The following AOPEP variants were observed in gnomAD, a reference collection of about 807,000 sequenced individuals.
AOPEP encodes the protein aminopeptidase O (putative).
In AOPEP, 77 loss-of-function variants were observed where a neutral mutation model predicts 98.1. The observed-to-expected ratio is 0.78, with a 90% CI of 0.65 to 0.95. AOPEP has a LOEUF of 0.95. Ranked by LOEUF, AOPEP falls within the 40% of genes least tolerant of loss-of-function variation. The pLI is 0.00. For synonymous variants in AOPEP, 346 were observed against 365.3 expected (o/e 0.95, Z 0.60); for missense variants, 1,024 against 1,024.7 (o/e 1.00, Z 0.01).
chr9:94,741,737 C>T lies in AOPEP; in HGVS notation c.-136+14986C>T, dbSNP rs568198275. ...AAAACAACTCCAAAATCTTTGCGGC[C>T]CCCCAAAAAAGAAGGTACGTTTCTT... On this transcript the variant is annotated intron_variant, in intron 1 of 16. Transcript: ENST00000375315. Among the ~76,000 whole-genome samples, 49 of 152,156 alleles carry T rather than the reference C, an allele frequency of 3.2e-4. 1 individual carries two copies. The South Asian group carries it at 1.0e-2, about 31-fold the overall frequency.
chr9:95,112,657 G>A, the AOPEP span, among the ~76,000 whole-genome samples: 1 of 152,202 alleles, frequency 6.6e-6, no homozygotes, highest in African/African-American at 2.4e-5. Context: ...GTAGACAGAT[G>A]CACAGAGCAG....
chr9:95,116,140 C>T, the AOPEP span, among the ~76,000 whole-genome samples: 1 of 152,242 alleles, frequency 6.6e-6, no homozygotes, highest in African/African-American at 2.4e-5. Flanking sequence ...ACCACCTCAC[C>T]GTTTATTTAC....
chr9:95,090,701 C>T (rs1204318212), downstream of AOPEP, among the ~76,000 whole-genome samples: 6 of 152,200 alleles, frequency 3.9e-5, no homozygotes, highest in Non-Finnish European at 7.4e-5. Flanking sequence ...CTCTGGACCA[C>T]AGCCAGGGGT....
chr9:94,859,900 C>T (rs778610932), intron 5 of AOPEP, among the ~76,000 whole-genome samples: 2 of 152,192 alleles, frequency 1.3e-5, no homozygotes, highest in African/African-American at 4.8e-5. Context: ...TTATTTAGGG[C>T]GTCCTATGTA....
chr9:94,747,808 AT>A (rs1461593512), intron 1 of AOPEP, among the ~76,000 whole-genome samples: 5 of 152,244 alleles, frequency 3.3e-5, no homozygotes, highest in African/African-American at 1.2e-4. Context: ...CTGCCCCAAC[AT>A]TTGAGGAAAA....
chr9:94,759,676 C>CATA lies in AOPEP; in HGVS notation c.-106_-105insAAT. 2.4e-6 allele frequency: 2 copies of CATA among 849,864 alleles called. No homozygotes were observed. Among genetic ancestry groups the CATA allele is most frequent in the Admixed American group, 2.9e-5 (1 of 34,370 alleles). The allele number at this position is 849,864 out of a possible 1,614,324, so 52.6% of individuals were successfully genotyped here. On this transcript the variant is annotated 5_prime_UTR_variant, in exon 2 of 17. Coordinates refer to ENST00000375315, the MANE Select transcript of AOPEP (RefSeq NM_001193329.3). ...GACTGAAAGGAACCATAATTTGTGA[C>CATA]ATCAGTTGTTTTCTTTGATAAGCAG...
downstream of AOPEP, among the ~76,000 whole-genome samples, chr9:95,090,482 C>G (rs994245525): frequency 2.6e-5 from 4 of 152,206 alleles, no homozygotes; most frequent in Admixed American, 2.6e-4. Context: ...GGCCCGGGCC[C>G]AGGGCCTGCT....
chr9:94,735,925 C>CT (rs1371281128), intron 1 of AOPEP, among the ~76,000 whole-genome samples: 5 of 152,140 alleles, frequency 3.3e-5, no homozygotes, highest in Non-Finnish European at 7.3e-5. Flanking sequence ...ATATGTGGCC[C>CT]TTCGTATCTT....
At position 94,954,287 on chromosome 9, in the gene AOPEP, G is replaced by A. The variant is rs574182597; in HGVS notation, c.1662-890G>A. Reference sequence around the variant, plus strand: ...TGCAGTGAGCCAAGATCGCACCACTGCGCTCCAGCCTGGGTGATGGGAGTG... The same window carrying A: ...TGCAGTGAGCCAAGATCGCACCACTACGCTCCAGCCTGGGTGATGGGAGTG... On this transcript the variant is annotated intron_variant, in intron 7 of 16. Transcript: ENST00000375315. Among the ~76,000 whole-genome samples, 27 of 152,316 alleles carry A rather than the reference G, an allele frequency of 1.8e-4. No homozygotes were observed. In the South Asian group the frequency reaches 5.4e-3, roughly 30 times the overall value.
intron 14 of AOPEP, among the ~76,000 whole-genome samples, chr9:95,073,620 G>T (rs71498689): frequency 6.6e-6 from 1 of 152,174 alleles, no homozygotes; most frequent in African/African-American, 2.4e-5. Context: ...ACTTTGGGAG[G>T]CTGAGGTGGG....
intron 13 of AOPEP, among the ~76,000 whole-genome samples, chr9:95,034,830 G>A (rs976603489): frequency 4.6e-5 from 7 of 152,218 alleles, no homozygotes; most frequent in African/African-American, 1.4e-4. Context: ...TGAGAAGCGG[G>A]CCTTGCTGGG....
chr9:95,146,363 C>T, the AOPEP span, among the ~76,000 whole-genome samples: 7 of 151,556 alleles, frequency 4.6e-5, no homozygotes, highest in Non-Finnish European at 1.0e-4. Context: ...TAGCACACAC[C>T]TGTGGTCCCA....
intron 3 of AOPEP, among the ~76,000 whole-genome samples, chr9:94,777,526 G>A (rs888461479): frequency 3.3e-5 from 5 of 151,218 alleles, no homozygotes; most frequent in African/African-American, 9.7e-5. Context: ...AAAATCAGTA[G>A]GACGAAGTGT....
intron 7 of AOPEP, among the ~76,000 whole-genome samples, chr9:94,954,597 G>A (rs2058330660): frequency 6.6e-6 from 1 of 152,194 alleles, no homozygotes. Context: ...TAGAACTAAT[G>A]TCTGTGTGCC....
chr9:94,773,165 G>T lies in AOPEP; in HGVS notation c.961G>T (p.Glu321Ter). 1 of 1,613,858 alleles carries T rather than the reference G, an allele frequency of 6.2e-7. No individual in the cohort carries two copies. Among genetic ancestry groups the T allele is most frequent in the Non-Finnish European group, 8.5e-7 (1 of 1,179,870 alleles). The change falls in exon 3 of 17, where the codon GAA becomes TAA. Residue 321 changes from glutamate (E) to a stop codon, truncating the protein, a stop_gained. Transcript: ENST00000375315. LOFTEE classifies it high-confidence loss of function. Reference sequence around the variant, plus strand: ...TTCTGCCAAACCAACGCAGCTTTGGGAAGGTACTGTACATGTGTTCTTTGC... The same window carrying T: ...TTCTGCCAAACCAACGCAGCTTTGGTAAGGTACTGTACATGTGTTCTTTGC... ...ENSAKPTQLW[E>*]ECSSWYYYVT...
Position 94,911,247 on chromosome 9 carries a change from G to A in AOPEP, c.1365-12739G>A, listed in dbSNP as rs1197674525. On this transcript the variant is annotated intron_variant, in intron 5 of 16. Coordinates refer to ENST00000375315, the MANE Select transcript of AOPEP (RefSeq NM_001193329.3). ...CCAGTGGGCTTCCTTTTGGAGATAA[G>A]AGATGTTGGGTGATCAATGGCCTCA... is the stretch of plus-strand genomic sequence containing the variant. Among the ~76,000 whole-genome samples, 8 of 152,216 alleles carry A rather than the reference G, an allele frequency of 5.3e-5. No homozygotes were observed. In the East Asian group the frequency reaches 1.5e-3, roughly 29 times the overall value.
At chr9:94,855,017 T>G (rs1442680283) in intron 5 of AOPEP, among the ~76,000 whole-genome samples, 1 of 152,202 alleles carries the variant, frequency 6.6e-6, no homozygotes, top group Non-Finnish European at 1.5e-5. Flanking sequence ...GTAAACAGTA[T>G]CATCCTGCTC....
chr9:95,020,484 C>CT (rs1010752957), intron 13 of AOPEP, among the ~76,000 whole-genome samples: 32 of 152,114 alleles, frequency 2.1e-4, no homozygotes, highest in African/African-American at 7.5e-4. Flanking sequence ...AGTAACACAG[C>CT]TGGGTTCACT....
intron 5 of AOPEP, among the ~76,000 whole-genome samples, chr9:94,814,100 TG>T (rs1437431119): frequency 6.6e-6 from 1 of 152,250 alleles, no homozygotes; most frequent in East Asian, 1.9e-4. Flanking sequence ...GGTAGTCTGT[TG>T]GTAAATCTTT....
Sources: gnomAD v4.1 joint callset for allele counts (sites outside exome capture counted in the v4.1 genomes callset) on GRCh38, gnomAD v4.1.1 for gene constraint, MANE v1.5 for transcripts, NCBI Gene and HGNC (gene_info 2026-07-23, HGNC 2026-07-21) for gene names.